The following SYNE2 variants were observed in gnomAD, a reference collection of about 807,000 sequenced individuals.
SYNE2 encodes nesprin-2.
SYNE2 carries 431 observed loss-of-function variants against 856.3 expected under a neutral mutation model. That is an observed-to-expected ratio of 0.50 (90% CI 0.47 to 0.55). SYNE2 has a LOEUF of 0.55. SYNE2 is among the 20% of genes least tolerant of loss of function. The pLI is 0.00. For synonymous variants in SYNE2, 2,923 were observed against 2,872.3 expected (o/e 1.02, Z -0.56); for missense variants, 8,129 against 8,023.2 (o/e 1.01, Z -0.50).
intron 57 of SYNE2, chr14:64,085,072 A>ATTT: frequency 1.8e-6 from 1 of 553,746 alleles, no homozygotes; most frequent in East Asian, 3.4e-5. Context: ...CAGAAGCCAC[A>ATTT]TTTTTTTTTT....
intron 32 of SYNE2, among the ~76,000 whole-genome samples, chr14:64,013,714 A>T (rs557810634): frequency 6.6e-6 from 1 of 152,196 alleles, no homozygotes; most frequent in Non-Finnish European, 1.5e-5. Flanking sequence ...AGCTCTGCCG[A>T]TGTATCAGTC....
In SYNE2 at chr14:64,052,064, G is replaced by A. The variant is rs1325769658; in HGVS notation, c.8151G>A (p.Glu2717=). Reference sequence around the variant, plus strand: ...TGAAGAAACAATGGGAAACATTGGAGCCATTACACTTAGAAGCAGAAAATC... The same window carrying A: ...TGAAGAAACAATGGGAAACATTGGAACCATTACACTTAGAAGCAGAAAATC... ...NNLKKQWETL[E]PLHLEAENQI... Residue 2717 remains glutamate (E), a synonymous_variant, in exon 48 of 116, where the codon GAG becomes GAA. Transcript: ENST00000555002. 5.6e-6 allele frequency: 9 copies of A among 1,614,046 alleles called. No individual in the cohort carries two copies. In the African/African-American group the frequency reaches 9.3e-5, roughly 17 times the overall value.
At chr14:63,875,700 GA>G (rs1165214904) in intron 1 of SYNE2, among the ~76,000 whole-genome samples, 1 of 152,196 alleles carries the variant, frequency 6.6e-6, no homozygotes, top group Non-Finnish European at 1.5e-5. Context: ...GTCATGGGGG[GA>G]AATACCTTCA....
chr14:63,972,718 G>T (rs2096488864), intron 11 of SYNE2, among the ~76,000 whole-genome samples: 1 of 152,294 alleles, frequency 6.6e-6, no homozygotes, highest in African/African-American at 2.4e-5. Context: ...ATTGCCTTCT[G>T]TTCTTCGTCT....
chr14:63,806,026 G>A (rs1344532339), intron 1 of SYNE2, among the ~76,000 whole-genome samples: 2 of 152,224 alleles, frequency 1.3e-5, no homozygotes, highest in Non-Finnish European at 1.5e-5. Context: ...TGCTGAATAG[G>A]ATGATGAGAG....
At chr14:63,938,762 G>T (rs2095862753) in intron 2 of SYNE2, among the ~76,000 whole-genome samples, 1 of 152,154 alleles carries the variant, frequency 6.6e-6, no homozygotes, top group African/African-American at 2.4e-5. Flanking sequence ...ACCAGAGAGG[G>T]TATTGGGCAT....
intron 51 of SYNE2, among the ~76,000 whole-genome samples, chr14:64,069,022 G>C (rs1367922902): frequency 6.6e-6 from 1 of 152,132 alleles, no homozygotes; most frequent in Non-Finnish European, 1.5e-5. Context: ...GGTAGATGAG[G>C]GGAGCCGAAA....
At chr14:64,123,081 G>A (rs1215745044) in intron 70 of SYNE2, among the ~76,000 whole-genome samples, 5 of 150,284 alleles carry the variant, frequency 3.3e-5, no homozygotes, top group African/African-American at 7.4e-5. Flanking sequence ...CCAGGGCAAC[G>A]AGAGTGAAAC....
Position 64,225,302 on chromosome 14 carries a change from ACCT to A in SYNE2, c.20517-12_20517-10del. The A allele has an allele frequency of 1.2e-6, 2 of 1,613,746 alleles. No homozygotes were observed. Among genetic ancestry groups the A allele is most frequent in the Non-Finnish European group, 1.7e-6 (2 of 1,179,952 alleles). ...TGTGGAGCCTCCCAATCAGCTCTCA[ACCT>A]CCTCTGTTGGCAGGGTCCCCGGCAG... On this transcript the variant is annotated splice_polypyrimidine_tract_variant and intron_variant, in intron 115 of 115. Coordinates refer to ENST00000555002, the MANE Select transcript of SYNE2 (RefSeq NM_182914.3).
At chr14:64,058,687 G>T (rs1022435151) in intron 49 of SYNE2, among the ~76,000 whole-genome samples, 1 of 152,064 alleles carries the variant, frequency 6.6e-6, no homozygotes, top group Non-Finnish European at 1.5e-5. Flanking sequence ...CCCCATGTCG[G>T]CCAGGCTGGT....
intron 112 of SYNE2, among the ~76,000 whole-genome samples, chr14:64,222,520 C>T (rs921187196): frequency 1.3e-5 from 2 of 152,146 alleles, no homozygotes; most frequent in African/African-American, 4.8e-5. Context: ...GTCTGGCCAA[C>T]ATGGTGAAAC....
At chr14:64,008,658 T>A (rs949259787) in intron 31 of SYNE2, among the ~76,000 whole-genome samples, 1 of 152,170 alleles carries the variant, frequency 6.6e-6, no homozygotes, top group Non-Finnish European at 1.5e-5. Context: ...CCTCTTACTA[T>A]CTACATGAGG....
At chr14:63,937,910 C>G (rs1011452319) in intron 2 of SYNE2, among the ~76,000 whole-genome samples, 3 of 152,130 alleles carry the variant, frequency 2.0e-5, no homozygotes, top group African/African-American at 7.2e-5. Flanking sequence ...GAAAAACTGG[C>G]AGAGTCAATG....
chr14:64,187,148 T>C (rs2098495821), intron 97 of SYNE2, among the ~76,000 whole-genome samples: 1 of 152,230 alleles, frequency 6.6e-6, no homozygotes, highest in African/African-American at 2.4e-5. Flanking sequence ...TAATAGAGTA[T>C]TACACGGTAT....
At chr14:63,790,488 G>GT (rs1308919316) in intron 1 of SYNE2, among the ~76,000 whole-genome samples, 3 of 152,070 alleles carry the variant, frequency 2.0e-5, no homozygotes, top group South Asian at 2.1e-4. Context: ...TTCCATTACT[G>GT]TTTTTTTCCA....
At position 64,025,168 on chromosome 14, in the gene SYNE2, T is replaced by C. The variant is rs1456453104; in HGVS notation, c.5999T>C (p.Leu2000Ser). Residue 2000 changes from leucine to serine, a missense_variant, in exon 41 of 116, where the codon TTG (leucine) becomes TCG (serine). Coordinates refer to ENST00000555002, the MANE Select transcript of SYNE2 (RefSeq NM_182914.3). ...FESVAQLNNSLKEYGFTEEEE... is the reference protein window; with the variant it reads ...FESVAQLNNSSKEYGFTEEEE... ...TCTGTGGCCCAATTGAACAACTCTT[T>C]GAAGGAATATGGGTTTACTGAAGAA... The C allele has an allele frequency of 3.7e-6, 6 of 1,614,104 alleles. No homozygotes were observed. The highest frequency in any genetic ancestry group is 1.1e-5 in the South Asian group (1 of 91,088).
chr14:64,146,172 A>C lies in SYNE2; in HGVS notation c.15588A>C (p.Leu5196Phe), dbSNP rs542081820. ...LEAQEERLKT[L>F]QKPESVISVQ... ...CACAAGAAGAGAGACTGAAAACTTT[A>C]CAAAAACCTGAAAGTGTGATCTCAG... Residue 5196 changes from leucine to phenylalanine, a missense_variant, in exon 84 of 116, where the codon TTA (leucine) becomes TTC (phenylalanine). Physicochemically the swap from Leu to Phe is conservative, Grantham distance 22. Transcript: ENST00000555002. 1 of 1,613,100 alleles carries C rather than the reference A, an allele frequency of 6.2e-7. No individual in the cohort carries two copies. The highest frequency in any genetic ancestry group is 1.3e-5 in the African/African-American group (1 of 74,998).
At chr14:64,076,704 G>T (rs1376168668) in intron 54 of SYNE2, among the ~76,000 whole-genome samples, 1 of 149,240 alleles carries the variant, frequency 6.7e-6, no homozygotes, top group East Asian at 2.0e-4. Context: ...ATATCAAACA[G>T]AAGAAAATTC....
At chr14:63,960,250 T>C (rs1220481495) in intron 8 of SYNE2, among the ~76,000 whole-genome samples, 4 of 152,240 alleles carry the variant, frequency 2.6e-5, no homozygotes, top group Non-Finnish European at 5.9e-5. Context: ...TATTGCTGGC[T>C]TTTATATGCT....
Sources: gnomAD v4.1 joint callset for allele counts (sites outside exome capture counted in the v4.1 genomes callset) on GRCh38, gnomAD v4.1.1 for gene constraint, MANE v1.5 for transcripts, NCBI Gene and HGNC (gene_info 2026-07-23, HGNC 2026-07-21) for gene names.